PKHD1: variants seen among roughly 807,000 people sequenced by gnomAD.
The protein encoded by PKHD1 is PKHD1 ciliary IPT domain containing fibrocystin/polyductin, also known as fibrocystin.
Under a neutral mutation model 412.0 loss-of-function variants are expected in PKHD1, and 291 were observed. The observed-to-expected ratio is 0.71, with a 90% CI of 0.64 to 0.78. The LOEUF (loss-of-function observed/expected upper bound fraction) is 0.78. Ranked by LOEUF, PKHD1 falls within the 30% of genes least tolerant of loss-of-function variation. PKHD1 has a pLI of 0.00. For missense variants in PKHD1, 4,825 were observed against 4,950.7 expected, an observed-to-expected ratio of 0.97 and a Z score of 0.76; for synonymous variants, 1,777 against 1,821.5, an observed-to-expected ratio of 0.98 and a Z score of 0.62.
intron 60 of PKHD1, among the ~76,000 whole-genome samples, chr6:51,715,058 G>A (rs1016541796): frequency 2.5e-4 from 38 of 151,792 alleles, no homozygotes; most frequent in Admixed American, 1.6e-3. Context: ...AGTCCACTCC[G>A]GCAGAGTAAC....
intron 49 of PKHD1, among the ~76,000 whole-genome samples, chr6:51,855,383 C>G (rs1773092874): frequency 6.6e-6 from 1 of 152,242 alleles, no homozygotes; most frequent in African/African-American, 2.4e-5. Flanking sequence ...ACGGCCATTT[C>G]TATCTTCACT....
intron 30 of PKHD1, 56 bp downstream of exon 30, chr6:52,028,100 T>C: frequency 1.3e-6 from 2 of 1,520,696 alleles, no homozygotes; most frequent in Non-Finnish European, 1.8e-6. Context: ...TAGAATTACC[T>C]AGCTGAATGC....
At chr6:51,633,808 G>A (rs1581760016) in intron 64 of PKHD1, among the ~76,000 whole-genome samples, 1 of 152,162 alleles carries the variant, frequency 6.6e-6, no homozygotes, top group Non-Finnish European at 1.5e-5. Context: ...CCTGACTGTG[G>A]GGATGGTTAC....
At chr6:51,770,337 AT>A (rs1157854049) in intron 55 of PKHD1, among the ~76,000 whole-genome samples, 1 of 151,752 alleles carries the variant, frequency 6.6e-6, no homozygotes, top group Non-Finnish European at 1.5e-5. Flanking sequence ...AATTTGAAAC[AT>A]TTATTTTGAT....
At position 52,058,232 on chromosome 6, in the gene PKHD1, C is replaced by G. The variant is rs143549664; in HGVS notation, c.1512+91G>C. 9.7e-4 allele frequency: 1,191 copies of G among 1,229,366 alleles called. 11 individuals carry two copies. The African/African-American group carries it at 0.016, about 16-fold the overall frequency. 76.2% of individuals were successfully genotyped at this position (1,229,366 alleles called of 1,614,324 possible). A position where few individuals can be genotyped will look rare whatever the true frequency, so the allele number is the denominator to read the frequency against. ...TGACAGCAAGGTTATAATGACCCCT[C>G]AGGTCGCCAGACTCCCAGTCAGTGC... On this transcript the variant is annotated intron_variant, in intron 16 of 66. Transcript: ENST00000371117.
chr6:51,655,373 G>T (rs1020281727), intron 61 of PKHD1, among the ~76,000 whole-genome samples: 8 of 152,204 alleles, frequency 5.3e-5, no homozygotes, highest in Admixed American at 1.3e-4. Context: ...ATAATTGATT[G>T]GCTTTCCTGG....
intron 55 of PKHD1, among the ~76,000 whole-genome samples, chr6:51,761,663 A>G (rs1165722789): frequency 6.6e-6 from 1 of 152,120 alleles, no homozygotes; most frequent in Non-Finnish European, 1.5e-5. Flanking sequence ...CCAATCCACA[A>G]TGCAATACAT....
chr6:51,626,229 T>C (rs1171483703), intron 66 of PKHD1, among the ~76,000 whole-genome samples: 1 of 152,126 alleles, frequency 6.6e-6, no homozygotes, highest in Admixed American at 6.6e-5. Flanking sequence ...ACCACTAAGA[T>C]TGGTAAGCCT....
At chr6:51,649,243 A>T in intron 61 of PKHD1, 23 bp from the exon 62 acceptor site, 1 of 1,576,124 alleles carries the variant, frequency 6.3e-7, no homozygotes. Flanking sequence ...AAAACAAACA[A>T]AATACATCCT....
At chr6:52,009,481 A>C (rs984613820) in intron 35 of PKHD1, among the ~76,000 whole-genome samples, 1 of 152,214 alleles carries the variant, frequency 6.6e-6, no homozygotes, top group African/African-American at 2.4e-5. Context: ...GGCACTCAAT[A>C]AATGTTTGTT....
At chr6:51,818,245 T>C (rs1359139190) in intron 52 of PKHD1, among the ~76,000 whole-genome samples, 4 of 152,218 alleles carry the variant, frequency 2.6e-5, no homozygotes, top group Admixed American at 2.6e-4. Context: ...ACTTACTGCT[T>C]GCAATTGTTT....
chr6:51,856,359 C>T (rs867354130), intron 48 of PKHD1, among the ~76,000 whole-genome samples: 15 of 152,232 alleles, frequency 9.9e-5, no homozygotes, highest in Middle Eastern at 3.4e-3. Context: ...CTCCTTGAGA[C>T]GGAGTTTCGC....
At chr6:51,627,756 T>A (rs35740865) in intron 65 of PKHD1, among the ~76,000 whole-genome samples, 6,505 of 152,198 alleles carry the variant, frequency 0.043, 234 homozygotes, top group African/African-American at 0.093. Context: ...CAAGCCACCA[T>A]ACGCAAGATG....
Position 51,950,220 on chromosome 6 carries a change from A to AAAAAAT in PKHD1, c.5908+9649_5908+9650insATTTTT. On this transcript the variant is annotated intron_variant, in intron 36 of 66. Coordinates refer to ENST00000371117, the MANE Select transcript of PKHD1 (RefSeq NM_138694.4). ...AATGGGCAATATAGAGAAAAAAAAA[A>AAAAAAT]ATATATATATATATATATATGAAAT... Among the ~76,000 whole-genome samples the AAAAAAT allele has an allele frequency of 1.1e-3, 110 of 98,290 alleles. 2 individuals carry two copies. Among genetic ancestry groups the AAAAAAT allele is most frequent in the African/African-American group, 3.4e-3 (89 of 26,484 alleles). The allele number at this position is 98,290 out of a possible 152,430, so 64.5% of individuals were successfully genotyped here.
At position 51,648,244 on chromosome 6, in the gene PKHD1, G is replaced by C; in HGVS notation, c.11311-126C>G. The C allele has an allele frequency of 9.4e-6, 6 of 640,128 alleles. 1 individual carries two copies. The South Asian group carries it at 1.1e-4, about 12-fold the overall frequency. The allele number at this position is 640,128 out of a possible 1,614,324, so 39.7% of individuals were successfully genotyped here. A position where few individuals can be genotyped will look rare whatever the true frequency, so the allele number is the denominator to read the frequency against. On this transcript the variant is annotated intron_variant, in intron 62 of 66. Coordinates refer to ENST00000371117, the MANE Select transcript of PKHD1 (RefSeq NM_138694.4). ...ATATATTCAGTAGAAATAAAGGAAA[G>C]AAAGTGATAAATAAATGTCTTTCTC...
intron 53 of PKHD1, among the ~76,000 whole-genome samples, chr6:51,785,917 C>T (rs1792779022): frequency 6.6e-6 from 1 of 152,174 alleles, no homozygotes; most frequent in Non-Finnish European, 1.5e-5. Flanking sequence ...GATATTATCA[C>T]TTAGATCTTT....
chr6:51,689,908 G>C (rs1371042165), intron 60 of PKHD1, among the ~76,000 whole-genome samples: 1 of 152,078 alleles, frequency 6.6e-6, no homozygotes, highest in Non-Finnish European at 1.5e-5. Flanking sequence ...TGTTAATATG[G>C]CCATACTGCC....
intron 60 of PKHD1, among the ~76,000 whole-genome samples, chr6:51,730,949 C>A (rs781472847): frequency 8.5e-5 from 13 of 152,172 alleles, no homozygotes; most frequent in Non-Finnish European, 1.8e-4. Flanking sequence ...GGAAGAGGGT[C>A]TCACTCTGTC....
chr6:52,065,557 C>T lies in PKHD1; in HGVS notation c.880+419G>A, dbSNP rs555423868. Among the ~76,000 whole-genome samples the T allele has an allele frequency of 6.9e-4, 105 of 152,246 alleles. 1 individual carries two copies. The highest frequency in any genetic ancestry group is 2.0e-3 in the African/African-American group (84 of 41,560). The stretch of plus-strand genomic sequence containing the variant: ...CTAGACAGGTCCATAAAAGGGTTTG[C>T]CAAGGTTGGGGTGCGGGGGATTTCC... On this transcript the variant is annotated intron_variant, in intron 12 of 66. Transcript: ENST00000371117.
Sources: gnomAD v4.1 joint callset for allele counts (sites outside exome capture counted in the v4.1 genomes callset) on GRCh38, gnomAD v4.1.1 for gene constraint, MANE v1.5 for transcripts, NCBI Gene and HGNC (gene_info 2026-07-23, HGNC 2026-07-21) for gene names.